Variants in LRRN1 observed in about 807,000 individuals in gnomAD.
LRRN1 encodes the protein leucine-rich repeat neuronal protein 1.
In LRRN1, 14 loss-of-function variants were observed where a neutral mutation model predicts 45.8. The ratio of observed to expected loss-of-function variants is 0.31; its 90% confidence interval spans 0.20 to 0.48. The LOEUF is 0.48. LRRN1 is among the 20% of genes least tolerant of loss of function. LRRN1 has a pLI of 0.99. For synonymous variants in LRRN1, 359 were observed against 330.1 expected, an observed-to-expected ratio of 1.09 and a Z score of -0.95; for missense variants, 789 against 874.2, an observed-to-expected ratio of 0.90 and a Z score of 1.23.
At chr3:3,811,340 T>A (rs887362696) in intron 1 of LRRN1, among the ~76,000 whole-genome samples, 2 of 152,138 alleles carry the variant, frequency 1.3e-5, no homozygotes, top group South Asian at 4.1e-4. Context: ...TTATCTTTAT[T>A]TACATCCTGT....
intron 1 of LRRN1, among the ~76,000 whole-genome samples, chr3:3,832,037 A>T: frequency 6.6e-6 from 1 of 152,240 alleles, no homozygotes; most frequent in Non-Finnish European, 1.5e-5. Flanking sequence ...TTGCTCAAGC[A>T]ATGAAACCAC....
Position 3,836,619 on chromosome 3 carries a change from G to A in LRRN1, c.-278-7745G>A, listed in dbSNP as rs138387017. Reference sequence around the variant, plus strand: ...TTTTTACTGATTGGCACAAGATCACGGCCTGTGCTTCCAATACCCTTCCCT... The same window carrying A: ...TTTTTACTGATTGGCACAAGATCACAGCCTGTGCTTCCAATACCCTTCCCT... On this transcript the variant is annotated intron_variant, in intron 1 of 1. Coordinates refer to ENST00000319331, the MANE Select transcript of LRRN1 (RefSeq NM_020873.7). Among the ~76,000 whole-genome samples the A allele has an allele frequency of 1.1e-4, 16 of 152,166 alleles. No homozygotes were observed. The East Asian group carries it at 1.4e-3, about 13-fold the overall frequency.
At chr3:3,822,687 T>C (rs914767251) in intron 1 of LRRN1, 1 of 152,160 alleles carries the variant, frequency 6.6e-6, no homozygotes, top group Non-Finnish European at 1.5e-5. Context: ...ATGCAAATAT[T>C]TAATTAGCAT....
intron 1 of LRRN1, among the ~76,000 whole-genome samples, chr3:3,821,157 A>C (rs1269127446): frequency 1.3e-5 from 2 of 152,208 alleles, no homozygotes; most frequent in Non-Finnish European, 2.9e-5. Flanking sequence ...ATTCATGAAC[A>C]ACTAAGTTTG....
chr3:3,823,645 A>G (rs371849547), intron 1 of LRRN1, among the ~76,000 whole-genome samples: 1 of 152,134 alleles, frequency 6.6e-6, no homozygotes. Flanking sequence ...AGGTAGGTAT[A>G]ACTATGCCCA....
rs1053527719 is a variant in LRRN1 at position 3,848,671 on chromosome 3, G to T, written c.*1879G>T. ...CAGAAAAATAAGTACCTGAGCTCGA[G>T]GTATCCCTTCCCAAAGCCTTCACTT... is the stretch of plus-strand genomic sequence containing the variant. On this transcript the variant is annotated 3_prime_UTR_variant, in exon 2 of 2. Coordinates refer to ENST00000319331, the MANE Select transcript of LRRN1 (RefSeq NM_020873.7). Among the ~76,000 whole-genome samples the T allele has an allele frequency of 6.6e-6, 1 of 152,170 alleles. No individual in the cohort carries two copies. Among genetic ancestry groups the T allele is most frequent in the Admixed American group, 6.5e-5 (1 of 15,272 alleles).
rs1202207508 is a variant in LRRN1, at chr3:3,849,425, T to G, written c.*2633T>G. Among the ~76,000 whole-genome samples, 1 of 152,242 alleles carries G rather than the reference T, an allele frequency of 6.6e-6. No homozygotes were observed. The highest frequency in any genetic ancestry group is 1.9e-4 in the East Asian group (1 of 5,204). On this transcript the variant is annotated 3_prime_UTR_variant, in exon 2 of 2. Transcript: ENST00000319331. ...TTTCAGCTGATAGAAAACAAAATGA[T>G]AGAGTACTTTTTTCCTTGGCCAAGT...
At chr3:3,843,640 G>C (rs1693693321) in intron 1 of LRRN1, among the ~76,000 whole-genome samples, 1 of 151,890 alleles carries the variant, frequency 6.6e-6, no homozygotes, top group Non-Finnish European at 1.5e-5. Context: ...TCCTATTCTG[G>C]ATACTTTGTA....
rs529847267 is a variant in LRRN1 at position 3,849,041 on chromosome 3, G to A, written c.*2249G>A. On this transcript the variant is annotated 3_prime_UTR_variant, in exon 2 of 2. Coordinates refer to ENST00000319331, the MANE Select transcript of LRRN1 (RefSeq NM_020873.7). ...CCTTGAGGAATTCTTGTCTTCAAACGTCTGCAGAGTAATGGACCATGTTAC... is the reference window on the plus strand; with the variant it reads ...CCTTGAGGAATTCTTGTCTTCAAACATCTGCAGAGTAATGGACCATGTTAC... Among the ~76,000 whole-genome samples, 4 of 152,260 alleles carry A rather than the reference G, an allele frequency of 2.6e-5. No individual in the cohort carries two copies. Among genetic ancestry groups the A allele is most frequent in the Non-Finnish European group, 4.4e-5 (3 of 68,026 alleles).
intron 1 of LRRN1, among the ~76,000 whole-genome samples, chr3:3,813,192 G>A (rs984864883): frequency 1.3e-5 from 2 of 152,220 alleles, no homozygotes; most frequent in African/African-American, 2.4e-5. Flanking sequence ...GTGACTGCTG[G>A]TGAGTGGACA....
At chr3:3,830,672 G>A (rs1312171201) in intron 1 of LRRN1, among the ~76,000 whole-genome samples, 1 of 152,178 alleles carries the variant, frequency 6.6e-6, no homozygotes, top group East Asian at 1.9e-4. Context: ...GGGCATTTGA[G>A]CCACTTCCTT....
intron 1 of LRRN1, among the ~76,000 whole-genome samples, chr3:3,834,525 GATATATATATATATATATAT>G (rs71040093): frequency 0.074 from 2,019 of 27,332 alleles, 216 homozygotes; most frequent in African/African-American, 0.16. Flanking sequence ...GACAGAACAG[GATATATATATATATATATAT>G]ATATATATGA....
intron 1 of LRRN1, among the ~76,000 whole-genome samples, chr3:3,840,294 T>C (rs904917903): frequency 2.0e-5 from 3 of 152,214 alleles, no homozygotes; most frequent in African/African-American, 7.2e-5. Flanking sequence ...TTTTCACATA[T>C]GGAACCTTCC....
intron 1 of LRRN1, among the ~76,000 whole-genome samples, chr3:3,828,363 G>A (rs762531046): frequency 2.0e-5 from 3 of 151,810 alleles, no homozygotes; most frequent in Non-Finnish European, 2.9e-5. Flanking sequence ...GGCTAGACCC[G>A]TCTCTCTTTT....
intron 1 of LRRN1, among the ~76,000 whole-genome samples, chr3:3,805,585 T>C (rs893398217): frequency 7.2e-5 from 11 of 152,212 alleles, no homozygotes; most frequent in Non-Finnish European, 1.5e-4. Context: ...GTGCGAATAA[T>C]TTGATTTCTG....
At chr3:3,822,382 T>C (rs1559292683) in intron 1 of LRRN1, among the ~76,000 whole-genome samples, 1 of 152,170 alleles carries the variant, frequency 6.6e-6, no homozygotes, top group Admixed American at 6.5e-5. Flanking sequence ...TTGGAAAGGG[T>C]GTTTTCTGTC....
intron 1 of LRRN1, among the ~76,000 whole-genome samples, chr3:3,828,816 G>A (rs1363404918): frequency 6.6e-6 from 1 of 152,108 alleles, no homozygotes; most frequent in Non-Finnish European, 1.5e-5. Context: ...AGGCACAAAC[G>A]TGTTTTTAAC....
chr3:3,818,152 A>G (rs1004836331), intron 1 of LRRN1, among the ~76,000 whole-genome samples: 4 of 152,228 alleles, frequency 2.6e-5, no homozygotes, highest in Admixed American at 1.3e-4. Flanking sequence ...ACCCAGTGCT[A>G]TACTGTGAAA....
intron 1 of LRRN1, among the ~76,000 whole-genome samples, chr3:3,802,469 G>A (rs866868038): frequency 6.6e-6 from 1 of 151,930 alleles, no homozygotes; most frequent in Non-Finnish European, 1.5e-5. Context: ...CCCAACCCCC[G>A]CCAGAAAAAA....
Sources: allele counts gnomAD v4.1 joint callset (sites outside exome capture counted in the v4.1 genomes callset), GRCh38; gene constraint gnomAD v4.1.1; transcripts MANE v1.5; gene names NCBI Gene and HGNC (gene_info 2026-07-23, HGNC 2026-07-21).